Variants in COL6A2 observed in about 807,000 individuals in gnomAD.
COL6A2 encodes collagen alpha-2(VI) chain.
A neutral mutation model predicts 124.9 loss-of-function variants in COL6A2; 90 were observed. That is an observed-to-expected ratio of 0.72 (90% CI 0.61 to 0.86). COL6A2 has a LOEUF of 0.86. Ranked by LOEUF, COL6A2 falls within the 40% of genes least tolerant of loss-of-function variation. The pLI is 0.00. For synonymous variants in COL6A2, 793 were observed against 618.2 expected, an observed-to-expected ratio of 1.28 and a Z score of -4.19; for missense variants, 1,607 against 1,502.5, an observed-to-expected ratio of 1.07 and a Z score of -1.15.
At position 46,132,510 on chromosome 21, in the gene COL6A2, G is replaced by A. The variant is rs61735832; in HGVS notation, c.3018G>A (p.Ala1006=). 6.5e-5 allele frequency: 104 copies of A among 1,606,938 alleles called. No individual in the cohort carries two copies. The highest frequency in any genetic ancestry group is 3.3e-4 in the Middle Eastern group (2 of 6,060). Residue 1006 remains alanine, a synonymous_variant, in exon 28 of 28, where the codon GCG becomes GCA. Transcript: ENST00000300527. ...ACGAGAAGGACTATGACAGCCTGGCGCAACCCGGCTTCTTCGACCGCTTCA... is the reference window on the plus strand; with the variant it reads ...ACGAGAAGGACTATGACAGCCTGGCACAACCCGGCTTCTTCGACCGCTTCA... ...VFHEKDYDSL[A]QPGFFDRFIR... is the part of the protein sequence containing the mutation.
chr21:46,123,697 G>GA lies in COL6A2; in HGVS notation c.1671+760_1671+761insA, dbSNP rs1438423943. Among the ~76,000 whole-genome samples, 243 of 150,280 alleles carry GA rather than the reference G, an allele frequency of 1.6e-3. 1 individual carries two copies. Among genetic ancestry groups the GA allele is most frequent in the Non-Finnish European group, 3.0e-3 (205 of 67,480 alleles). ...GATGTATGGGTGAGTAGGTGGGTAG[G>GA]TGGGTAGATGGATGGGTGGGTGGGC... On this transcript the variant is annotated intron_variant, in intron 21 of 27. Transcript: ENST00000300527.
rs1392413700 is a variant in COL6A2, at chr21:46,129,189, C to G, written c.2461+2648C>G. On this transcript the variant is annotated intron_variant, in intron 27 of 27. Coordinates refer to ENST00000300527, the MANE Select transcript of COL6A2 (RefSeq NM_001849.4). ...CCTTACAGTCTTCTCTGGACGCTCC[C>G]TTGCAGATGCACCGTGGCCTGGCGG... 1.9e-6 allele frequency: 3 copies of G among 1,612,760 alleles called. No individual in the cohort carries two copies. The African/African-American group carries it at 4.0e-5, about 22-fold the overall frequency.
intron 21 of COL6A2, among the ~76,000 whole-genome samples, chr21:46,123,482 C>T (rs1254285916): frequency 6.6e-6 from 1 of 152,030 alleles, no homozygotes; most frequent in Admixed American, 6.6e-5. Flanking sequence ...TGGAACTGAG[C>T]ACAAAACAAG....
In COL6A2 at chr21:46,132,649, T is replaced by C; in HGVS notation, c.*97T>C. 4.8e-6 allele frequency: 6 copies of C among 1,243,312 alleles called. No homozygotes were observed. Among genetic ancestry groups the C allele is most frequent in the Middle Eastern group, 2.0e-4 (1 of 4,944 alleles). 77.0% of individuals were successfully genotyped at this position (1,243,312 alleles called of 1,614,324 possible). A position where few individuals can be genotyped will look rare whatever the true frequency, so the allele number is the denominator to read the frequency against. ...CCACACGGCCAGCACCGCTGCTCAC[T>C]CGGACGACGCCCTGGGCCTGCACCT... On this transcript the variant is annotated 3_prime_UTR_variant, in exon 28 of 28. Transcript: ENST00000300527.
chr21:46,110,042 G>A (rs942699710), intron 1 of COL6A2, among the ~76,000 whole-genome samples: 14 of 152,240 alleles, frequency 9.2e-5, no homozygotes, highest in African/African-American at 1.7e-4. Flanking sequence ...TGCTGGCTCC[G>A]TGGAGCATGG....
intron 20 of COL6A2, 128 bp downstream of exon 20, chr21:46,122,659 G>A (rs1601240386): frequency 8.9e-7 from 1 of 1,124,666 alleles, no homozygotes; most frequent in Non-Finnish European, 1.3e-6. Context: ...GCTCCCCAAG[G>A]CCCAGCCATG....
chr21:46,116,538 C>T lies in COL6A2; in HGVS notation c.928-113C>T, dbSNP rs2078472936. 8.2e-6 allele frequency: 13 copies of T among 1,579,724 alleles called. No homozygotes were observed. The East Asian group carries it at 2.7e-4, about 33-fold the overall frequency. On this transcript the variant is annotated intron_variant, in intron 8 of 27. Transcript: ENST00000300527. This position sits in a 1 kb window ranked among gnomAD's most constrained non-coding sequence, Gnocchi z 4.6. ...TTCTCAGTGGTGGCTTTGGGGGCTC[C>T]TGGGGGGTCCTGTGGCCTTGAGTTT...
At chr21:46,108,550 C>A (rs1309197330) in intron 1 of COL6A2, among the ~76,000 whole-genome samples, 1 of 152,114 alleles carries the variant, frequency 6.6e-6, no homozygotes, top group African/African-American at 2.4e-5. Flanking sequence ...GTTAATTCTA[C>A]TCCTAAATTT....
intron 17 of COL6A2, 101 bp from the exon 18 acceptor site, chr21:46,121,455 A>C (rs1240613844): frequency 2.6e-6 from 3 of 1,143,496 alleles, no homozygotes. Context: ...AGCTGCGGCC[A>C]TGTGGCCTGG....
At position 46,112,203 on chromosome 21, in the gene COL6A2, G is replaced by A. The variant is rs969934621; in HGVS notation, c.340G>A (p.Asp114Asn). Residue 114 changes from aspartate (D) to asparagine (N), a missense_variant, in exon 3 of 28, where the codon GAC (aspartate) becomes AAC (asparagine). Coordinates refer to ENST00000300527, the MANE Select transcript of COL6A2 (RefSeq NM_001849.4). ...GGAGGTGTTCAGCCCACCGGGCAGC[G>A]ACCGGGCCTCCTTCATCAAGAACCT... The part of the protein sequence containing the change: ...QVEVFSPPGS[D>N]RASFIKNLQG... 4.3e-6 allele frequency: 7 copies of A among 1,612,784 alleles called. No homozygotes were observed. Among genetic ancestry groups the A allele is most frequent in the African/African-American group, 2.7e-5 (2 of 74,916 alleles).
intron 22 of COL6A2, 27 bp downstream of exon 22, chr21:46,124,740 C>T (rs1480984854): frequency 6.2e-7 from 1 of 1,609,868 alleles, no homozygotes; most frequent in African/African-American, 1.3e-5. Flanking sequence ...TCCCCATGCC[C>T]TCCCCCCAAC....
At position 46,120,064 on chromosome 21, in the gene COL6A2, G is replaced by T. The variant is rs188166497; in HGVS notation, c.1332+214G>T. Reference sequence around the variant, plus strand: ...TCCACTACCCACCCAGGCACACCCCGCACAGCTGTGCAGGCACCATTCACC... The same window carrying T: ...TCCACTACCCACCCAGGCACACCCCTCACAGCTGTGCAGGCACCATTCACC... On this transcript the variant is annotated intron_variant, in intron 15 of 27. Transcript: ENST00000300527. Among the ~76,000 whole-genome samples the T allele has an allele frequency of 7.2e-4, 70 of 96,744 alleles. No individual in the cohort carries two copies. The East Asian group carries it at 0.027, about 37-fold the overall frequency. The allele number at this position is 96,744 out of a possible 152,430, so 63.5% of individuals were successfully genotyped here.
rs142824904 is a variant in COL6A2, at chr21:46,124,793, G to A, written c.1734+80G>A. The A allele has an allele frequency of 0.012, 19,129 of 1,598,552 alleles. 153 individuals are homozygous for A. Among genetic ancestry groups the A allele is most frequent in the South Asian group, 0.016 (1,447 of 90,754 alleles). ...ACCCAAGCCTCGTGGTTCTGCCCAC[G>A]GTGGACCCACGTATCAGTGGGCAGT... On this transcript the variant is annotated intron_variant, in intron 22 of 27. Transcript: ENST00000300527.
At chr21:46,124,761 A>AACACACACCCAAGC in intron 22 of COL6A2, 48 bp downstream of exon 22, 1 of 1,605,482 alleles carries the variant, frequency 6.2e-7, no homozygotes, top group Non-Finnish European at 8.5e-7. Context: ...CTGCCAGGCC[A>AACACACACCCAAGC]ACACACACCC....
chr21:46,123,784 GTGTA>G (rs773810399), intron 21 of COL6A2, among the ~76,000 whole-genome samples: 75 of 144,602 alleles, frequency 5.2e-4, no homozygotes, highest in Non-Finnish European at 9.0e-4. Flanking sequence ...GGGTGAGTGG[GTGTA>G]TGTATGGATG....
chr21:46,117,686 G>A (rs1293836840), intron 11 of COL6A2, among the ~76,000 whole-genome samples, 188 bp from the exon 12 acceptor site: 2 of 152,138 alleles, frequency 1.3e-5, no homozygotes, highest in South Asian at 2.1e-4. Flanking sequence ...CCCAAACTTC[G>A]GTGTCACTGG....
rs1601216910 is a variant in COL6A2, at chr21:46,112,064, C to T, written c.201C>T (p.Leu67=). 1 of 1,613,198 alleles carries T rather than the reference C, an allele frequency of 6.2e-7. No individual in the cohort carries two copies. The highest frequency in any genetic ancestry group is 8.5e-7 in the Non-Finnish European group (1 of 1,180,030). Residue 67 remains leucine, a synonymous_variant, in exon 3 of 28, where the codon CTC becomes CTT. Coordinates refer to ENST00000300527, the MANE Select transcript of COL6A2 (RefSeq NM_001849.4). ...VTMQSPTDIL[L]FHMKQFVPQF... is the part of the protein sequence containing the mutation. ...TGCAGTCCCCCACGGACATCCTGCT[C>T]TTCCACATGAAGCAGTTCGTGCCGC...
At chr21:46,100,072 G>C (rs111291451) in intron 1 of COL6A2, among the ~76,000 whole-genome samples, 2 of 151,724 alleles carry the variant, frequency 1.3e-5, no homozygotes, top group African/African-American at 4.8e-5. Flanking sequence ...ATGGATGTTC[G>C]CTTTTTGGGT....
At position 46,116,730 on chromosome 21, in the gene COL6A2, G is replaced by A. The variant is rs781195524; in HGVS notation, c.955-40G>A. On this transcript the variant is annotated intron_variant, in intron 9 of 27. Transcript: ENST00000300527. The surrounding 1 kb of genome is among the most constrained non-coding windows in gnomAD (Gnocchi z 4.6). ...TCCTTCCTGCTGCTCAGGGCAGAAG[G>A]ACCGGGGCTAATGGAGTTCCCTCTT... 1.9e-6 allele frequency: 3 copies of A among 1,612,978 alleles called. No individual in the cohort carries two copies. The highest frequency in any genetic ancestry group is 2.5e-6 in the Non-Finnish European group (3 of 1,180,020).
Sources: gnomAD v4.1 joint callset for allele counts (sites outside exome capture counted in the v4.1 genomes callset) on GRCh38, gnomAD v4.1.1 for gene constraint, Gnocchi (gnomAD v3.1) non-coding constraint, MANE v1.5 for transcripts, NCBI Gene and HGNC (gene_info 2026-07-23, HGNC 2026-07-21) for gene names.